The following GSG1L variants were observed in gnomAD, a reference collection of about 807,000 sequenced individuals.
The protein encoded by GSG1L is germ cell-specific gene 1-like protein.
GSG1L carries 24 observed loss-of-function variants against 42.1 expected under a neutral mutation model. That is an observed-to-expected ratio of 0.57 (90% CI 0.41 to 0.80). GSG1L has a LOEUF of 0.80. Ranked by LOEUF, GSG1L falls within the 30% of genes least tolerant of loss-of-function variation. The pLI is 0.00. For missense variants in GSG1L, 445 were observed against 472.2 expected, an observed-to-expected ratio of 0.94 and a Z score of 0.53; for synonymous variants, 215 against 203.5, an observed-to-expected ratio of 1.06 and a Z score of -0.48.
intron 1 of GSG1L, among the ~76,000 whole-genome samples, chr16:28,006,104 G>A (rs2085634530): frequency 1.3e-5 from 2 of 152,030 alleles, no homozygotes; most frequent in Non-Finnish European, 2.9e-5. Flanking sequence ...GGGGTGGGGG[G>A]TCCCCAGCCA....
At chr16:27,972,128 GA>G (rs2085200034) in intron 1 of GSG1L, among the ~76,000 whole-genome samples, 1 of 152,172 alleles carries the variant, frequency 6.6e-6, no homozygotes, top group South Asian at 2.1e-4. Context: ...AATCTCCTAG[GA>G]ATATACCTCC....
chr16:28,003,495 A>G (rs2085602079), intron 1 of GSG1L, among the ~76,000 whole-genome samples: 1 of 151,742 alleles, frequency 6.6e-6, no homozygotes, highest in South Asian at 2.1e-4. Flanking sequence ...AGTCCTCCAA[A>G]CTCCCAGGAC....
At position 27,856,159 on chromosome 16, in the gene GSG1L, C is replaced by G. The variant is rs530459997; in HGVS notation, c.551-11098G>C. On this transcript the variant is annotated intron_variant, in intron 3 of 6. Transcript: ENST00000447459. ...TCTACCAGATGCCAGGAATGTGCAC[C>G]CCCCCCCATCCCCACATACCCCAGT... Among the ~76,000 whole-genome samples, 604 of 119,180 alleles carry G rather than the reference C, an allele frequency of 5.1e-3. 3 individuals carry two copies. The highest frequency in any genetic ancestry group is 8.8e-3 in the Non-Finnish European group (486 of 55,302). 78.2% of individuals were successfully genotyped at this position (119,180 alleles called of 152,430 possible).
At chr16:27,911,698 A>T (rs1490479303) in intron 2 of GSG1L, among the ~76,000 whole-genome samples, 1 of 151,822 alleles carries the variant, frequency 6.6e-6, no homozygotes, top group Admixed American at 6.6e-5. Context: ...TGGCATCCTC[A>T]TGGTTTTGTC....
intron 1 of GSG1L, among the ~76,000 whole-genome samples, chr16:28,048,740 A>G (rs1178000991): frequency 6.6e-6 from 1 of 152,250 alleles, no homozygotes; most frequent in East Asian, 1.9e-4. Flanking sequence ...AGTGGTGCTC[A>G]GAGGCAAACT....
intron 2 of GSG1L, among the ~76,000 whole-genome samples, chr16:27,941,898 C>G (rs1320440442): frequency 3.3e-5 from 5 of 152,092 alleles, no homozygotes; most frequent in Non-Finnish European, 7.4e-5. Context: ...CCAAAGTAGT[C>G]AAATTCATAG....
intron 1 of GSG1L, among the ~76,000 whole-genome samples, chr16:28,025,016 G>T (rs2085884728): frequency 6.6e-6 from 1 of 152,214 alleles, no homozygotes; most frequent in Non-Finnish European, 1.5e-5. Flanking sequence ...CCACCCGGGG[G>T]CTCAGGCCAT....
intron 1 of GSG1L, among the ~76,000 whole-genome samples, chr16:27,988,730 C>G (rs1405336691): frequency 6.8e-6 from 1 of 146,962 alleles, no homozygotes; most frequent in Non-Finnish European, 1.5e-5. Flanking sequence ...ATTTTGTTTA[C>G]CTTTTCAGTC....
intron 2 of GSG1L, among the ~76,000 whole-genome samples, chr16:27,947,685 G>A (rs2084900394): frequency 6.6e-6 from 1 of 152,188 alleles, no homozygotes; most frequent in Non-Finnish European, 1.5e-5. Flanking sequence ...AGTGCTTACT[G>A]TATATGTCAG....
At chr16:27,810,411 G>T (rs147056501) in intron 5 of GSG1L, among the ~76,000 whole-genome samples, 12 of 152,242 alleles carry the variant, frequency 7.9e-5, no homozygotes, top group Non-Finnish European at 1.8e-4. Flanking sequence ...CAGAGGCTAC[G>T]GTGAGCCATG....
chr16:27,908,464 G>A (rs1022492491), intron 2 of GSG1L, among the ~76,000 whole-genome samples: 11 of 152,246 alleles, frequency 7.2e-5, no homozygotes, highest in South Asian at 4.1e-4. Context: ...CCATCTGCCC[G>A]TCCTGTCTAC....
chr16:27,901,342 A>T (rs1446870235), intron 2 of GSG1L, among the ~76,000 whole-genome samples: 1 of 152,196 alleles, frequency 6.6e-6, no homozygotes, highest in Non-Finnish European at 1.5e-5. Flanking sequence ...CATCTAGCCC[A>T]CTGAGGTTTG....
chr16:27,928,786 C>G (rs1001202222), intron 2 of GSG1L, among the ~76,000 whole-genome samples: 6 of 152,226 alleles, frequency 3.9e-5, no homozygotes, highest in Non-Finnish European at 4.4e-5. Flanking sequence ...ATCTCTATCC[C>G]AAGAGACCAG....
intron 1 of GSG1L, among the ~76,000 whole-genome samples, chr16:28,043,211 C>G (rs2086126835): frequency 6.6e-6 from 1 of 152,162 alleles, no homozygotes; most frequent in Admixed American, 6.5e-5. Context: ...GAAAGTGCCT[C>G]CTTTGCCATC....
intron 1 of GSG1L, among the ~76,000 whole-genome samples, chr16:28,011,491 G>A (rs2085717602): frequency 6.6e-6 from 1 of 152,244 alleles, no homozygotes; most frequent in Non-Finnish European, 1.5e-5. Flanking sequence ...CCATCCGAAA[G>A]AGGCAGACAT....
chr16:28,025,889 C>G (rs919027448), intron 1 of GSG1L, among the ~76,000 whole-genome samples: 6 of 152,192 alleles, frequency 3.9e-5, no homozygotes, highest in Non-Finnish European at 7.3e-5. Context: ...AGAGAAATGC[C>G]ACAGCAGGCA....
chr16:27,971,835 G>T (rs950018039), intron 1 of GSG1L, among the ~76,000 whole-genome samples: 7 of 152,032 alleles, frequency 4.6e-5, no homozygotes, highest in African/African-American at 1.5e-4. Context: ...TTCCTACTTT[G>T]TTGAGCAGTT....
At chr16:27,883,133 AAAAAAAGAGAG>A (rs762767651) in intron 3 of GSG1L, among the ~76,000 whole-genome samples, 45 of 136,884 alleles carry the variant, frequency 3.3e-4, no homozygotes, top group Non-Finnish European at 5.3e-4. Flanking sequence ...AAAAAAAAAA[AAAAAAAGAGAG>A]AGAGAGAAAG....
At chr16:28,036,099 T>A (rs1454517896) in intron 1 of GSG1L, among the ~76,000 whole-genome samples, 1 of 152,132 alleles carries the variant, frequency 6.6e-6, no homozygotes, top group Non-Finnish European at 1.5e-5. Flanking sequence ...AAATCATCCG[T>A]GGGATGACAA....
Sources: gnomAD v4.1 joint callset for allele counts (sites outside exome capture counted in the v4.1 genomes callset) on GRCh38, gnomAD v4.1.1 for gene constraint, MANE v1.5 for transcripts, NCBI Gene and HGNC (gene_info 2026-07-23, HGNC 2026-07-21) for gene names.